The following DNAH9 variants were observed in gnomAD, a reference collection of about 807,000 sequenced individuals.
DNAH9 encodes DNAH9 variant protein.
DNAH9 carries 345 observed loss-of-function variants against 471.6 expected under a neutral mutation model. The ratio of observed to expected loss-of-function variants is 0.73; its 90% CI spans 0.67 to 0.80. The LOEUF (loss-of-function observed/expected upper bound fraction) is 0.80, where lower values mean the gene tolerates loss of function less well. Ranked by LOEUF, DNAH9 falls within the 30% of genes least tolerant of loss-of-function variation. The probability of loss-of-function intolerance (pLI) is 0.00; values close to 1 mark genes in which losing one functional copy is unlikely to be tolerated. For missense variants in DNAH9, 5,407 were observed against 5,609.2 expected, an observed-to-expected ratio of 0.96 and a Z score of 1.15; for synonymous variants, 2,093 against 2,123.6, an observed-to-expected ratio of 0.99 and a Z score of 0.40.
chr17:11,821,930 A>G lies in DNAH9; in HGVS notation c.8718A>G (p.Pro2906=). The G allele has an allele frequency of 6.2e-7, 1 of 1,611,820 alleles. No individual in the cohort carries two copies. The highest frequency in any genetic ancestry group is 8.5e-7 in the Non-Finnish European group (1 of 1,179,354). The change falls in exon 46 of 69, where the codon CCA becomes CCG. Residue 2906 remains proline (P), a synonymous_variant. Transcript: ENST00000262442. ...TCCATTTTTTCCCAGGGGAGATCCC[A>G]GATCTCTACTCTGATGATGAAGTTG... ...INDLLASGEI[P]DLYSDDEVEN... is the part of the protein sequence containing the mutation.
At chr17:11,948,333 A>G (rs1477932941) in intron 67 of DNAH9, among the ~76,000 whole-genome samples, 2 of 143,954 alleles carry the variant, frequency 1.4e-5, no homozygotes, top group Non-Finnish European at 3.0e-5. Flanking sequence ...GGTTCAAGCT[A>G]TTCTCCTGCC....
intron 6 of DNAH9, among the ~76,000 whole-genome samples, chr17:11,624,760 C>T (rs1362464638): frequency 6.6e-6 from 1 of 152,052 alleles, no homozygotes; most frequent in Non-Finnish European, 1.5e-5. Context: ...TTTCTTTCCT[C>T]CCACTTTCCT....
chr17:11,965,224 T>C (rs1409752866), intron 68 of DNAH9, among the ~76,000 whole-genome samples: 1 of 152,214 alleles, frequency 6.6e-6, no homozygotes, highest in African/African-American at 2.4e-5. Context: ...CTAGCTAACC[T>C]TGAGGTTCTA....
intron 14 of DNAH9, among the ~76,000 whole-genome samples, chr17:11,657,493 T>C (rs1439888957): frequency 2.6e-5 from 4 of 152,114 alleles, no homozygotes; most frequent in African/African-American, 9.6e-5. Context: ...CTTCTCCAAA[T>C]TGGTGGTTTA....
At chr17:11,660,426 G>T (rs930246830) in intron 14 of DNAH9, among the ~76,000 whole-genome samples, 1 of 148,812 alleles carries the variant, frequency 6.7e-6, no homozygotes, top group Non-Finnish European at 1.5e-5. Context: ...AGGCTCAAGC[G>T]ATTCTTGTGC....
chr17:11,801,914 G>A (rs935499830), intron 43 of DNAH9, among the ~76,000 whole-genome samples: 2 of 152,056 alleles, frequency 1.3e-5, no homozygotes, highest in African/African-American at 2.4e-5. Context: ...ATAAGTACTG[G>A]CTACAAACAC....
chr17:11,876,063 G>C (rs1029859305), intron 53 of DNAH9, among the ~76,000 whole-genome samples: 1 of 152,108 alleles, frequency 6.6e-6, no homozygotes, highest in African/African-American at 2.4e-5. Context: ...TCCATTTCAC[G>C]TCCGAGGAAG....
chr17:11,776,574 A>G (rs1034447299), intron 38 of DNAH9, among the ~76,000 whole-genome samples: 1 of 152,232 alleles, frequency 6.6e-6, no homozygotes, highest in African/African-American at 2.4e-5. Flanking sequence ...TGAAGCTTAG[A>G]GGTGTTAAGG....
At chr17:11,687,903 A>T (rs548535417) in intron 19 of DNAH9, among the ~76,000 whole-genome samples, 59 of 151,930 alleles carry the variant, frequency 3.9e-4, no homozygotes, top group Middle Eastern at 3.4e-3. Context: ...TGGGAGGCTG[A>T]GGCAGGTGGA....
chr17:11,915,354 T>A lies in DNAH9; in HGVS notation c.11750-8460T>A, dbSNP rs940911271. On this transcript the variant is annotated intron_variant, in intron 61 of 68. Transcript: ENST00000262442. ...ACCTGTCCAACATGCTGAAACCCCA[T>A]CTCTACTAAAACTACAAAAATTAGC... 2.6e-5 allele frequency among the ~76,000 whole-genome samples: 4 copies of A among 152,054 alleles called. No individual in the cohort carries two copies. The South Asian group carries it at 8.4e-4, about 32-fold the overall frequency.
chr17:11,964,610 A>T (rs1436465777), intron 68 of DNAH9, among the ~76,000 whole-genome samples: 1 of 152,356 alleles, frequency 6.6e-6, no homozygotes, highest in African/African-American at 2.4e-5. Flanking sequence ...CAACTTTCTT[A>T]GAATTCTGGA....
rs146401618 is a variant in DNAH9 at position 11,809,844 on chromosome 17, T to C, written c.8584-402T>C. ...GACTTGCATATAAGTAAGACACTTG[T>C]ATGAGTCTTATATATGTGTAAGACA... is the stretch of plus-strand genomic sequence containing the variant. On this transcript the variant is annotated intron_variant, in intron 44 of 68. Coordinates refer to ENST00000262442, the MANE Select transcript of DNAH9 (RefSeq NM_001372.4). 7.9e-5 allele frequency among the ~76,000 whole-genome samples: 12 copies of C among 152,270 alleles called. No individual in the cohort carries two copies. In the East Asian group the frequency reaches 1.4e-3, roughly 17 times the overall value.
chr17:11,742,985 T>G (rs2075454451), intron 30 of DNAH9, among the ~76,000 whole-genome samples: 2 of 152,198 alleles, frequency 1.3e-5, no homozygotes, highest in Non-Finnish European at 2.9e-5. Flanking sequence ...CCTCTCTAGG[T>G]TCTTTCCCAA....
intron 22 of DNAH9, among the ~76,000 whole-genome samples, chr17:11,698,291 TTATA>T (rs1279263878): frequency 4.3e-4 from 58 of 134,828 alleles, no homozygotes; most frequent in South Asian, 3.0e-3. Flanking sequence ...ATATTAATAA[TTATA>T]TATTAGATTA....
intron 49 of DNAH9, among the ~76,000 whole-genome samples, chr17:11,850,757 A>T (rs1371231379): frequency 6.6e-6 from 1 of 152,172 alleles, no homozygotes; most frequent in African/African-American, 2.4e-5. Flanking sequence ...GCTTAACCAA[A>T]CAAGATCTTT....
chr17:11,952,405 T>G (rs1975416482), intron 67 of DNAH9, among the ~76,000 whole-genome samples: 1 of 145,564 alleles, frequency 6.9e-6, no homozygotes, highest in African/African-American at 2.5e-5. Flanking sequence ...GTGCTCCTCC[T>G]GCCTTGGCTT....
At chr17:11,913,023 C>T (rs1447501578) in intron 61 of DNAH9, among the ~76,000 whole-genome samples, 1 of 151,990 alleles carries the variant, frequency 6.6e-6, no homozygotes, top group East Asian at 1.9e-4. Context: ...CAAAAACTAG[C>T]CGGGCATGGT....
chr17:11,842,255 C>T (rs1476918586), intron 49 of DNAH9, among the ~76,000 whole-genome samples: 1 of 152,104 alleles, frequency 6.6e-6, no homozygotes, highest in African/African-American at 2.4e-5. Context: ...ACGTGAAATA[C>T]AAGTAAGTTG....
At chr17:11,953,271 A>AT (rs1975469105) in intron 67 of DNAH9, among the ~76,000 whole-genome samples, 1 of 152,150 alleles carries the variant, frequency 6.6e-6, no homozygotes, top group African/African-American at 2.4e-5. Flanking sequence ...CCGTTGGAGC[A>AT]TGCTGTACCC....
Sources: gnomAD v4.1 joint callset for allele counts (sites outside exome capture counted in the v4.1 genomes callset) on GRCh38, gnomAD v4.1.1 for gene constraint, MANE v1.5 for transcripts, NCBI Gene and HGNC (gene_info 2026-07-23, HGNC 2026-07-21) for gene names.